GREB1L: variants seen among roughly 807,000 people sequenced by gnomAD.
GREB1L encodes GREB1 like retinoic acid receptor coactivator, also known as GREB1-like protein.
In GREB1L, 17 loss-of-function variants were observed where a neutral mutation model predicts 200.8. The ratio of observed to expected loss-of-function variants is 0.08; its 90% CI spans 0.06 to 0.13. The LOEUF is 0.13. Among genes scored for constraint, GREB1L ranks in the 10% least tolerant of loss-of-function variants. GREB1L has a pLI of 1.00. For missense variants in GREB1L, 1,657 were observed against 2,367.7 expected (o/e 0.70, Z 6.23); for synonymous variants, 789 against 893.0 (o/e 0.88, Z 2.08).
chr18:21,348,427 C>T (rs1165640711), intron 1 of GREB1L, among the ~76,000 whole-genome samples: 1 of 151,974 alleles, frequency 6.6e-6, no homozygotes, highest in Admixed American at 6.6e-5. Flanking sequence ...TCACTTGATC[C>T]CAGGAGTCTG....
intron 7 of GREB1L, among the ~76,000 whole-genome samples, chr18:21,434,462 T>A: frequency 6.7e-6 from 1 of 148,388 alleles, no homozygotes; most frequent in Non-Finnish European, 1.5e-5. Context: ...GGCAGCAGAG[T>A]GAGAATCCAT....
At chr18:21,418,516 TTTTTG>T (rs763102517) in intron 7 of GREB1L, among the ~76,000 whole-genome samples, 1 of 152,108 alleles carries the variant, frequency 6.6e-6, no homozygotes, top group Non-Finnish European at 1.5e-5. Flanking sequence ...TAAAAAAATA[TTTTTG>T]TTTTGTTTTG....
At chr18:21,339,439 A>G (rs1272747207) in intron 1 of GREB1L, among the ~76,000 whole-genome samples, 1 of 152,188 alleles carries the variant, frequency 6.6e-6, no homozygotes, top group East Asian at 1.9e-4. Flanking sequence ...ATTTTGATTA[A>G]CAATTTGATT....
intron 15 of GREB1L, among the ~76,000 whole-genome samples, chr18:21,460,830 C>G (rs1474692251): frequency 2.0e-5 from 3 of 151,868 alleles, no homozygotes; most frequent in Non-Finnish European, 2.9e-5. Flanking sequence ...GGCATGGTGG[C>G]TCATGCCTAT....
chr18:21,419,295 C>T (rs754073854), intron 7 of GREB1L, among the ~76,000 whole-genome samples: 4 of 152,116 alleles, frequency 2.6e-5, no homozygotes, highest in East Asian at 3.9e-4. Flanking sequence ...TCATAGACCA[C>T]GTGATTGTCT....
At chr18:21,395,113 AAAAAAAAAAG>A (rs1253365482) in intron 4 of GREB1L, among the ~76,000 whole-genome samples, 1 of 150,606 alleles carries the variant, frequency 6.6e-6, no homozygotes, top group South Asian at 2.1e-4. Context: ...CTCAAAAAAA[AAAAAAAAAAG>A]AAAAAAAAAA....
chr18:21,372,465 A>G (rs1011147818), intron 2 of GREB1L, among the ~76,000 whole-genome samples: 1 of 151,890 alleles, frequency 6.6e-6, no homozygotes, highest in Admixed American at 6.6e-5. Context: ...TCTTTTTAGT[A>G]TTATACCTGA....
intron 15 of GREB1L, among the ~76,000 whole-genome samples, chr18:21,461,517 G>A (rs915043746): frequency 8.5e-5 from 13 of 152,054 alleles, no homozygotes; most frequent in Non-Finnish European, 1.6e-4. Context: ...ACCCTTGCCC[G>A]TATCACCAGT....
intron 7 of GREB1L, among the ~76,000 whole-genome samples, chr18:21,417,923 G>A (rs2031794420): frequency 1.3e-5 from 2 of 150,896 alleles, no homozygotes; most frequent in South Asian, 4.2e-4. Context: ...GGAGCTTGCA[G>A]TGAGCCGAGA....
intron 20 of GREB1L, 38 bp downstream of exon 20, chr18:21,495,823 G>T: frequency 1.7e-6 from 2 of 1,158,708 alleles, no homozygotes; most frequent in East Asian, 5.1e-5. Flanking sequence ...TTCATCAGTT[G>T]CCCAGCTGAA....
chr18:21,303,091 G>A (rs375256583), intron 1 of GREB1L, among the ~76,000 whole-genome samples: 4 of 152,166 alleles, frequency 2.6e-5, no homozygotes, highest in East Asian at 1.9e-4. Context: ...TCCTGACCTC[G>A]GATGATCTGC....
intron 29 of GREB1L, among the ~76,000 whole-genome samples, chr18:21,515,922 G>A (rs2037400885): frequency 6.6e-6 from 1 of 152,154 alleles, no homozygotes. Context: ...ACTGACTCAA[G>A]TCAGTGTGTG....
At chr18:21,474,454 C>T in intron 16 of GREB1L, among the ~76,000 whole-genome samples, 1 of 152,188 alleles carries the variant, frequency 6.6e-6, no homozygotes, top group Admixed American at 6.5e-5. Context: ...AGGGCCCCAC[C>T]CCTGCAGCAA....
At chr18:21,460,883 G>A (rs527810907) in intron 15 of GREB1L, among the ~76,000 whole-genome samples, 6 of 151,806 alleles carry the variant, frequency 4.0e-5, no homozygotes, top group African/African-American at 1.4e-4. Context: ...GATCACCTGA[G>A]GTCAGGAGTT....
chr18:21,277,180 G>A (rs1238401909), intron 1 of GREB1L, among the ~76,000 whole-genome samples: 3 of 151,958 alleles, frequency 2.0e-5, no homozygotes, highest in Admixed American at 2.0e-4. Flanking sequence ...CGCCTGCCTC[G>A]GCCTCCCAAA....
chr18:21,325,974 A>T (rs998208507), intron 1 of GREB1L, among the ~76,000 whole-genome samples: 1 of 152,130 alleles, frequency 6.6e-6, no homozygotes, highest in Non-Finnish European at 1.5e-5. Flanking sequence ...GATTGGTGTC[A>T]TGAGGAAGCT....
At chr18:21,346,228 C>G (rs531393691) in intron 1 of GREB1L, among the ~76,000 whole-genome samples, 1 of 152,194 alleles carries the variant, frequency 6.6e-6, no homozygotes, top group East Asian at 1.9e-4. Flanking sequence ...TCATCCCACC[C>G]TCTGTAACCC....
chr18:21,493,865 C>CAAAAAAAAAAAAAAAA (rs35758360), intron 19 of GREB1L, among the ~76,000 whole-genome samples: 1 of 38,506 alleles, frequency 2.6e-5, no homozygotes, highest in Non-Finnish European at 4.0e-5. Flanking sequence ...GACCCTGTCT[C>CAAAAAAAAAAAAAAAA]AAAAAAAAAA....
In GREB1L at chr18:21,505,576, A is replaced by C. The variant is rs534873068; in HGVS notation, c.4228+9A>C. On this transcript the variant is annotated intron_variant, in intron 24 of 32. Coordinates refer to ENST00000424526, the MANE Select transcript of GREB1L (RefSeq NM_001142966.3). ...GGCAGGGGTCAAACAAGGTCAGTGC[A>C]ATCAGCCAAGTTCACCTCCTCTCTG... The C allele has an allele frequency of 1.9e-6, 3 of 1,551,412 alleles. No individual in the cohort carries two copies. Among genetic ancestry groups the C allele is most frequent in the Non-Finnish European group, 2.6e-6 (3 of 1,146,768 alleles).
Sources: gnomAD v4.1 joint callset for allele counts (sites outside exome capture counted in the v4.1 genomes callset) on GRCh38, gnomAD v4.1.1 for gene constraint, MANE v1.5 for transcripts, NCBI Gene and HGNC (gene_info 2026-07-23, HGNC 2026-07-21) for gene names.